SOX5: variants seen among roughly 807,000 people sequenced by gnomAD.
SOX5 encodes SRY-box transcription factor 5, also known as transcription factor SOX-5.
SOX5 carries 9 observed loss-of-function variants against 92.0 expected under a neutral mutation model. That is an observed-to-expected ratio of 0.10 (90% CI 0.06 to 0.17). The LOEUF is 0.17. SOX5 is among the 10% of genes least tolerant of loss of function. The probability of loss-of-function intolerance (pLI) is 1.00; values close to 1 mark genes in which losing one functional copy is unlikely to be tolerated. For synonymous variants in SOX5, 344 were observed against 336.3 expected (o/e 1.02, Z -0.25); for missense variants, 642 against 944.5 (o/e 0.68, Z 4.20).
chr12:23,746,490 T>C (rs796526381), intron 4 of SOX5, among the ~76,000 whole-genome samples: 7 of 152,326 alleles, frequency 4.6e-5, no homozygotes, highest in African/African-American at 1.7e-4. Flanking sequence ...AGTAATTTAT[T>C]TTCATGTTTC....
intron 4 of SOX5, among the ~76,000 whole-genome samples, chr12:23,989,483 A>G (rs1950361934): frequency 6.6e-6 from 1 of 152,142 alleles, no homozygotes; most frequent in Non-Finnish European, 1.5e-5. Flanking sequence ...CATTAAAGTC[A>G]TCTAAAAAGG....
At chr12:23,587,239 G>A (rs1245763509) in intron 9 of SOX5, among the ~76,000 whole-genome samples, 1 of 151,990 alleles carries the variant, frequency 6.6e-6, no homozygotes, top group African/African-American at 2.4e-5. Context: ...AATTTTACAA[G>A]TAACAAAACA....
intron 4 of SOX5, among the ~76,000 whole-genome samples, chr12:23,999,178 A>G (rs4963563): frequency 0.95 from 141,161 of 148,872 alleles, 66,989 homozygotes; most frequent in Non-Finnish European, 0.99. Context: ...GTGTGTGTGT[A>G]CCATTGCTTC....
At chr12:24,365,818 T>C (rs1956114750) in intron 2 of SOX5, among the ~76,000 whole-genome samples, 1 of 151,942 alleles carries the variant, frequency 6.6e-6, no homozygotes, top group African/African-American at 2.4e-5. Context: ...TGTAAAGTGC[T>C]TACCTTAAAT....
At chr12:23,539,852 C>T (rs748849507) in intron 13 of SOX5, among the ~76,000 whole-genome samples, 37 of 152,008 alleles carry the variant, frequency 2.4e-4, no homozygotes, top group Admixed American at 9.2e-4. Context: ...AAGTACTAAC[C>T]GGGTCAAATG....
chr12:24,298,498 G>A (rs368383412), intron 2 of SOX5, among the ~76,000 whole-genome samples: 4 of 152,008 alleles, frequency 2.6e-5, no homozygotes, highest in East Asian at 1.9e-4. Context: ...GTTGTTTCAC[G>A]ATATTTTAAT....
intron 8 of SOX5, among the ~76,000 whole-genome samples, chr12:23,625,868 A>G (rs551547606): frequency 5.3e-5 from 8 of 152,262 alleles, no homozygotes; most frequent in Non-Finnish European, 2.9e-5. Context: ...CGGCCTCCCA[A>G]AGTGTTGGGA....
At chr12:24,355,366 G>A (rs540709553) in intron 2 of SOX5, among the ~76,000 whole-genome samples, 8 of 131,000 alleles carry the variant, frequency 6.1e-5, no homozygotes, top group Middle Eastern at 9.7e-3. Flanking sequence ...GGAGTGCAGT[G>A]GTGCAATTTC....
intron 8 of SOX5, among the ~76,000 whole-genome samples, chr12:23,617,131 A>T (rs78710803): frequency 4.2e-5 from 5 of 119,444 alleles, no homozygotes; most frequent in African/African-American, 1.4e-4. Context: ...GTCTCAAGAA[A>T]AAAAAAAAAA....
intron 11 of SOX5, among the ~76,000 whole-genome samples, chr12:23,546,980 G>A (rs929625542): frequency 1.1e-4 from 17 of 152,204 alleles, no homozygotes; most frequent in African/African-American, 3.9e-4. Context: ...TCCAATGTGA[G>A]TGCCTGCTAC....
chr12:23,666,777 T>C (rs886382709), intron 6 of SOX5, among the ~76,000 whole-genome samples: 2 of 152,140 alleles, frequency 1.3e-5, no homozygotes, highest in African/African-American at 4.8e-5. Flanking sequence ...GCCTTGATTA[T>C]AGTAGGGATG....
intron 1 of SOX5, among the ~76,000 whole-genome samples, chr12:24,376,024 C>G (rs1197932979): frequency 6.6e-6 from 1 of 152,130 alleles, no homozygotes; most frequent in Non-Finnish European, 1.5e-5. Flanking sequence ...CTAAGATTCA[C>G]TAAGAAAGAT....
chr12:24,018,257 C>CT (rs1257261908), intron 4 of SOX5, among the ~76,000 whole-genome samples: 1 of 152,152 alleles, frequency 6.6e-6, no homozygotes, highest in Non-Finnish European at 1.5e-5. Context: ...TATCTTCTCC[C>CT]TTGCAGTTTG....
At chr12:23,953,993 C>T (rs927047496), upstream of SOX5, among the ~76,000 whole-genome samples, 4 of 152,002 alleles carry the variant, frequency 2.6e-5, no homozygotes, top group African/African-American at 9.7e-5. Context: ...GGAAAATTCT[C>T]AAAGAGACTA....
At chr12:24,223,193 G>A (rs555687682) in intron 3 of SOX5, 1 of 152,308 alleles carries the variant, frequency 6.6e-6, no homozygotes, top group South Asian at 2.1e-4. Flanking sequence ...ACAATTTAGA[G>A]TTGCTAGGAG....
intron 5 of SOX5, among the ~76,000 whole-genome samples, chr12:23,736,434 C>A (rs1041540876): frequency 1.3e-5 from 2 of 151,914 alleles, no homozygotes; most frequent in African/African-American, 2.4e-5. Flanking sequence ...TGCACTCCAG[C>A]CTGGGTGACA....
chr12:24,263,541 C>CAAAAAAAAAAAAAAAAAAAAAAA (rs528065569), intron 3 of SOX5, among the ~76,000 whole-genome samples: 1 of 112,036 alleles, frequency 8.9e-6, no homozygotes, highest in African/African-American at 3.5e-5. Flanking sequence ...AAAAAAAAAA[C>CAAAAAAAAAAAAAAAAAAAAAAA]AAAAAAAAAA....
chr12:23,771,187 C>CAAAA (rs376988688), intron 3 of SOX5, among the ~76,000 whole-genome samples: 15 of 108,544 alleles, frequency 1.4e-4, no homozygotes, highest in East Asian at 8.3e-4. Context: ...AAAAATGGAG[C>CAAAA]AAAAAAAAAA....
intron 3 of SOX5, among the ~76,000 whole-genome samples, chr12:23,843,554 CTTTTTTTTTTTTTTTTTT>C (rs71059931): frequency 2.8e-5 from 2 of 71,304 alleles, no homozygotes; most frequent in African/African-American, 1.2e-4. Flanking sequence ...GTCATTTCTC[CTTTTTTTTTTTTTTTTTT>C]TTTTTTTTTG....
Sources: allele counts gnomAD v4.1 joint callset (sites outside exome capture counted in the v4.1 genomes callset), GRCh38; gene constraint gnomAD v4.1.1; transcripts MANE v1.5; gene names NCBI Gene and HGNC (gene_info 2026-07-23, HGNC 2026-07-21).